Variants in BBX observed in about 807,000 individuals in gnomAD.
BBX encodes BBX high mobility group box domain containing, also known as HMG box transcription factor BBX.
In BBX, 30 loss-of-function variants were observed where a neutral mutation model predicts 100.2. The ratio of observed to expected loss-of-function variants is 0.30; its 90% CI spans 0.22 to 0.41. The LOEUF (loss-of-function observed/expected upper bound fraction) is 0.41, where lower values mean the gene tolerates loss of function less well. Among genes scored for constraint, BBX ranks in the 10% least tolerant of loss-of-function variants. The pLI is 1.00. For synonymous variants in BBX, 376 were observed against 388.1 expected (o/e 0.97, Z 0.37); for missense variants, 1,023 against 1,129.8 (o/e 0.91, Z 1.35).
At chr3:107,668,047 G>A (rs329923) in intron 3 of BBX, among the ~76,000 whole-genome samples, 74,259 of 152,010 alleles carry the variant, frequency 0.49, 19,458 homozygotes, top group East Asian at 0.96. Flanking sequence ...TGAAAAATAA[G>A]TCGCTGATTG....
At chr3:107,725,484 G>C (rs1331298426) in intron 5 of BBX, among the ~76,000 whole-genome samples, 1 of 152,098 alleles carries the variant, frequency 6.6e-6, no homozygotes, top group East Asian at 1.9e-4. Context: ...CCTGTCTTGT[G>C]CCAGTTTTCA....
chr3:107,528,049 C>G (rs1576173346), intron 2 of BBX, among the ~76,000 whole-genome samples: 2 of 152,232 alleles, frequency 1.3e-5, no homozygotes, highest in South Asian at 4.1e-4. Flanking sequence ...TTTGAGATAT[C>G]AAGTGACTGC....
intron 2 of BBX, among the ~76,000 whole-genome samples, chr3:107,643,075 A>G (rs757849718): frequency 6.6e-6 from 1 of 152,150 alleles, no homozygotes; most frequent in Non-Finnish European, 1.5e-5. Context: ...TTGGCATACT[A>G]GGGGATTTTG....
chr3:107,810,140 T>C lies in BBX; in HGVS notation c.*4683T>C, dbSNP rs1304747393. The stretch of plus-strand genomic sequence containing the variant: ...AGCGTGAATAAAAAGACAAATGTAT[T>C]TGACTCCCTCATAATCCCCATCTGT... On this transcript the variant is annotated 3_prime_UTR_variant, in exon 18 of 18. Coordinates refer to ENST00000325805, the MANE Select transcript of BBX (RefSeq NM_001142568.3). 6.6e-6 allele frequency: 1 copy of C among 151,982 alleles called. No homozygotes were observed. Among genetic ancestry groups the C allele is most frequent in the Non-Finnish European group, 1.5e-5 (1 of 68,000 alleles). The allele number at this position is 151,982 out of a possible 1,614,324, so 9.4% of individuals were successfully genotyped here. A position where few individuals can be genotyped will look rare whatever the true frequency, so the allele number is the denominator to read the frequency against.
chr3:107,775,674 A>G (rs1364642604), intron 12 of BBX, among the ~76,000 whole-genome samples: 1 of 152,120 alleles, frequency 6.6e-6, no homozygotes, highest in Non-Finnish European at 1.5e-5. Context: ...TGCAAATTGT[A>G]TGCATTGGGT....
chr3:107,628,370 C>CT (rs567113384), intron 2 of BBX, among the ~76,000 whole-genome samples: 5 of 151,300 alleles, frequency 3.3e-5, no homozygotes, highest in African/African-American at 1.2e-4. Flanking sequence ...CAAGAGTTTG[C>CT]TTTTTTTATT....
At chr3:107,687,480 C>T (rs150532801) in intron 3 of BBX, among the ~76,000 whole-genome samples, 66 of 152,216 alleles carry the variant, frequency 4.3e-4, no homozygotes, top group African/African-American at 1.5e-3. Flanking sequence ...AGCCTGGCCC[C>T]TGCTGGAGAT....
chr3:107,528,480 A>T (rs973431702), intron 2 of BBX, among the ~76,000 whole-genome samples: 4 of 152,228 alleles, frequency 2.6e-5, no homozygotes, highest in African/African-American at 7.2e-5. Flanking sequence ...TTTTTGAAAC[A>T]TTAAGAAAAT....
intron 2 of BBX, among the ~76,000 whole-genome samples, chr3:107,555,358 G>C (rs1177987685): frequency 6.6e-6 from 1 of 152,110 alleles, no homozygotes; most frequent in Admixed American, 6.5e-5. Context: ...AGATTTCCAA[G>C]GGCATTTTAG....
At chr3:107,574,467 T>G (rs560798454) in intron 2 of BBX, among the ~76,000 whole-genome samples, 1 of 152,328 alleles carries the variant, frequency 6.6e-6, no homozygotes, top group East Asian at 1.9e-4. Context: ...AAGTTTAGGC[T>G]GATCTTTGAA....
chr3:107,744,791 G>A (rs2064429225), intron 8 of BBX, 81 bp downstream of exon 8: 5 of 1,147,342 alleles, frequency 4.4e-6, no homozygotes, highest in Non-Finnish European at 5.3e-6. Flanking sequence ...GTAACTGAAA[G>A]CAATGAAGAA....
intron 3 of BBX, among the ~76,000 whole-genome samples, chr3:107,708,055 G>T (rs1431313575): frequency 6.6e-6 from 1 of 152,090 alleles, no homozygotes; most frequent in Admixed American, 6.5e-5. Context: ...ATCCTGAAGT[G>T]ATTACTATGT....
intron 2 of BBX, among the ~76,000 whole-genome samples, chr3:107,621,488 T>C (rs1030964849): frequency 6.6e-6 from 1 of 152,228 alleles, no homozygotes; most frequent in Non-Finnish European, 1.5e-5. Context: ...TGCTTTTTAA[T>C]GTAGCAGAGA....
chr3:107,713,668 T>A (rs1462819351), intron 4 of BBX, among the ~76,000 whole-genome samples: 1 of 152,192 alleles, frequency 6.6e-6, no homozygotes, highest in Non-Finnish European at 1.5e-5. Context: ...TCAAATCAAA[T>A]GTTTTTATTG....
chr3:107,526,595 G>A, intron 2 of BBX, 197 bp downstream of exon 2: 1 of 376,310 alleles, frequency 2.7e-6, no homozygotes, highest in East Asian at 3.8e-5. Flanking sequence ...TATTAAGATA[G>A]TAAATATTCA....
At position 107,710,589 on chromosome 3, in the gene BBX, A is replaced by G. The variant is rs773234461; in HGVS notation, c.129A>G (p.Glu43=). 1.9e-6 allele frequency: 3 copies of G among 1,613,768 alleles called. No homozygotes were observed. Among genetic ancestry groups the G allele is most frequent in the South Asian group, 1.1e-5 (1 of 91,012 alleles). The change falls in exon 4 of 18, where the codon GAA becomes GAG. Residue 43 remains glutamate (E), a synonymous_variant. Transcript: ENST00000325805. The part of the protein sequence containing the change: ...AKKLLDFSEE[E]EEEDEEEDID... ...AACTTCTTGATTTTTCAGAAGAGGA[A>G]GAAGAGGAAGACGAAGAGGAGGATA... is the stretch of plus-strand genomic sequence containing the variant.
At chr3:107,626,512 G>T (rs2056187021) in intron 2 of BBX, among the ~76,000 whole-genome samples, 1 of 152,168 alleles carries the variant, frequency 6.6e-6, no homozygotes, top group Admixed American at 6.5e-5. Flanking sequence ...AGTCAAGATG[G>T]TGGCTTAGGC....
chr3:107,735,330 A>G (rs2063566795), intron 7 of BBX, among the ~76,000 whole-genome samples: 1 of 152,122 alleles, frequency 6.6e-6, no homozygotes, highest in South Asian at 2.1e-4. Context: ...TAGCAGGATA[A>G]TGAGATAAGA....
intron 7 of BBX, among the ~76,000 whole-genome samples, chr3:107,734,763 CT>C (rs1460822079): frequency 6.6e-6 from 1 of 152,094 alleles, no homozygotes; most frequent in African/African-American, 2.4e-5. Flanking sequence ...TCTTTTTCCC[CT>C]TTTTGCTTAA....
Sources: gnomAD v4.1 joint callset for allele counts (sites outside exome capture counted in the v4.1 genomes callset) on GRCh38, gnomAD v4.1.1 for gene constraint, MANE v1.5 for transcripts, NCBI Gene and HGNC (gene_info 2026-07-23, HGNC 2026-07-21) for gene names.